Variants in SORCS2 observed in about 807,000 individuals in gnomAD.
SORCS2 encodes the protein sortilin related VPS10 domain containing receptor 2.
SORCS2 carries 100 observed loss-of-function variants against 141.6 expected under a neutral mutation model. That is an observed-to-expected ratio of 0.71 (90% CI 0.60 to 0.83). The LOEUF (loss-of-function observed/expected upper bound fraction) is 0.83. Ranked by LOEUF, SORCS2 falls within the 40% of genes least tolerant of loss-of-function variation. The pLI is 0.00. For missense variants in SORCS2, 1,646 were observed against 1,560.2 expected, an observed-to-expected ratio of 1.05 and a Z score of -0.93; for synonymous variants, 789 against 676.9, an observed-to-expected ratio of 1.17 and a Z score of -2.57.
intron 10 of SORCS2, among the ~76,000 whole-genome samples, chr4:7,687,346 T>G (rs886379): frequency 0.87 from 132,662 of 152,136 alleles, 58,868 homozygotes; most frequent in South Asian, 0.95. Flanking sequence ...GCCTGAGCTA[T>G]CTGGGGTGGG....
rs137903053 is a variant in SORCS2, at chr4:7,683,473, C to A, written c.1488+584C>A. 3.8e-3 allele frequency among the ~76,000 whole-genome samples: 582 copies of A among 152,356 alleles called. 6 individuals are homozygous for A. Among genetic ancestry groups the A allele is most frequent in the African/African-American group, 0.013 (527 of 41,578 alleles). ...AGGGAATGGACTGATTTAGGCTGGT[C>A]TCTGCTCTGCACATCTTGCATCCTT... is the stretch of plus-strand genomic sequence containing the variant. On this transcript the variant is annotated intron_variant, in intron 10 of 26. Transcript: ENST00000507866.
At chr4:7,427,255 G>C (rs1024822885) in intron 2 of SORCS2, among the ~76,000 whole-genome samples, 15 of 152,200 alleles carry the variant, frequency 9.9e-5, no homozygotes, top group African/African-American at 3.1e-4. Context: ...CAGGCTCTGG[G>C]GGGGGCTTTG....
At chr4:7,491,704 C>T (rs935758779) in intron 2 of SORCS2, among the ~76,000 whole-genome samples, 3 of 152,194 alleles carry the variant, frequency 2.0e-5, no homozygotes, top group African/African-American at 7.2e-5. Context: ...TCTGCGTGAC[C>T]CATGCTCCTC....
In SORCS2 at chr4:7,339,083, C is replaced by T. The variant is rs112670311; in HGVS notation, c.481-57205C>T. 6.4e-4 allele frequency among the ~76,000 whole-genome samples: 98 copies of T among 152,340 alleles called. 2 individuals are homozygous for T. The highest frequency in any genetic ancestry group is 2.3e-3 in the African/African-American group (96 of 41,590). On this transcript the variant is annotated intron_variant, in intron 1 of 26. Coordinates refer to ENST00000507866, the MANE Select transcript of SORCS2 (RefSeq NM_020777.3). ...GGAAATTCACACAGATGTGGTATCA[C>T]CTGCCATTTCGCCGTGGCCTGGATG...
At chr4:7,230,755 G>T (rs1415759137) in intron 1 of SORCS2, among the ~76,000 whole-genome samples, 3 of 150,634 alleles carry the variant, frequency 2.0e-5, no homozygotes. Flanking sequence ...CTCTGGGCAG[G>T]AGCAGTGTGA....
At chr4:7,355,057 A>G (rs1244847652) in intron 1 of SORCS2, among the ~76,000 whole-genome samples, 1 of 152,110 alleles carries the variant, frequency 6.6e-6, no homozygotes, top group Non-Finnish European at 1.5e-5. Flanking sequence ...ACAACACCCA[A>G]TCTGTTCTGT....
intron 2 of SORCS2, among the ~76,000 whole-genome samples, chr4:7,459,072 C>G (rs190009607): frequency 1.3e-5 from 2 of 151,152 alleles, no homozygotes; most frequent in Admixed American, 1.3e-4. Flanking sequence ...CGATATTGCT[C>G]CCCTGGGCTG....
chr4:7,460,695 G>A (rs1469769632), intron 2 of SORCS2, among the ~76,000 whole-genome samples: 3 of 151,980 alleles, frequency 2.0e-5, no homozygotes, highest in Non-Finnish European at 4.4e-5. Flanking sequence ...GGAGGGAAAG[G>A]GAATAGGACC....
At chr4:7,443,347 G>A (rs111651731) in intron 2 of SORCS2, among the ~76,000 whole-genome samples, 5 of 152,152 alleles carry the variant, frequency 3.3e-5, no homozygotes, top group Non-Finnish European at 5.9e-5. Context: ...ATCTTAGGGC[G>A]GGCACCCGGG....
chr4:7,651,767 C>T (rs1234037302), intron 4 of SORCS2, among the ~76,000 whole-genome samples: 2 of 152,224 alleles, frequency 1.3e-5, no homozygotes, highest in African/African-American at 4.8e-5. Context: ...GGGCCTTGAC[C>T]CCCGCAGGGC....
chr4:7,295,074 C>T (rs1237733181), intron 1 of SORCS2, among the ~76,000 whole-genome samples: 1 of 1,970 alleles, frequency 5.1e-4, no homozygotes, highest in Non-Finnish European at 1.2e-3. Context: ...TCCCTCCTCC[C>T]CCTCCTCCCC....
rs145109371 is a variant in SORCS2 at position 7,651,005 on chromosome 4, G to A, written c.814-3129G>A. On this transcript the variant is annotated intron_variant, in intron 4 of 26. Coordinates refer to ENST00000507866, the MANE Select transcript of SORCS2 (RefSeq NM_020777.3). ...ACCAATACAGCCCCTACCCCCAGAGGGGCAGCTGGCAAAAACATAACGCAA... is the reference window on the plus strand; with the variant it reads ...ACCAATACAGCCCCTACCCCCAGAGAGGCAGCTGGCAAAAACATAACGCAA... Among the ~76,000 whole-genome samples, 597 of 152,174 alleles carry A rather than the reference G, an allele frequency of 3.9e-3. 6 individuals carry two copies. Among genetic ancestry groups the A allele is most frequent in the African/African-American group, 0.014 (566 of 41,494 alleles).
intron 2 of SORCS2, among the ~76,000 whole-genome samples, chr4:7,443,013 G>A (rs1329208677): frequency 1.3e-5 from 2 of 152,180 alleles, no homozygotes; most frequent in African/African-American, 4.8e-5. Context: ...TCTAGCCTCT[G>A]CCTCTGTTGT....
chr4:7,577,358 G>A (rs922805548), intron 3 of SORCS2, among the ~76,000 whole-genome samples: 25 of 152,250 alleles, frequency 1.6e-4, no homozygotes, highest in Non-Finnish European at 3.4e-4. Flanking sequence ...TACAGGTATA[G>A]TCAGGTGGGT....
chr4:7,651,728 C>T (rs1203935579), intron 4 of SORCS2, among the ~76,000 whole-genome samples: 1 of 152,236 alleles, frequency 6.6e-6, no homozygotes, highest in Non-Finnish European at 1.5e-5. Context: ...CACCCTCCCC[C>T]TAGCAACCTC....
chr4:7,525,342 A>T (rs185072138), intron 2 of SORCS2, among the ~76,000 whole-genome samples: 1 of 152,124 alleles, frequency 6.6e-6, no homozygotes, highest in African/African-American at 2.4e-5. Flanking sequence ...GTTGATAAGG[A>T]CCCTGAAGAT....
chr4:7,208,212 C>T (rs1028424947), intron 1 of SORCS2, among the ~76,000 whole-genome samples: 2 of 152,100 alleles, frequency 1.3e-5, no homozygotes, highest in Non-Finnish European at 2.9e-5. Flanking sequence ...TTGGTGCTGG[C>T]CATCTTGGCT....
intron 1 of SORCS2, among the ~76,000 whole-genome samples, chr4:7,222,916 C>T (rs776725475): frequency 3.6e-4 from 55 of 152,146 alleles, no homozygotes; most frequent in Non-Finnish European, 6.0e-4. Flanking sequence ...CACCTTGACT[C>T]ATTCACTCAA....
At chr4:7,554,368 A>G (rs896492134) in intron 3 of SORCS2, among the ~76,000 whole-genome samples, 1 of 152,132 alleles carries the variant, frequency 6.6e-6, no homozygotes, top group East Asian at 1.9e-4. Flanking sequence ...TAGACCACAT[A>G]AGTGAATGAC....
Sources: gnomAD v4.1 joint callset for allele counts (sites outside exome capture counted in the v4.1 genomes callset) on GRCh38, gnomAD v4.1.1 for gene constraint, MANE v1.5 for transcripts, NCBI Gene and HGNC (gene_info 2026-07-23, HGNC 2026-07-21) for gene names.